Variants in DNAH6 observed in about 807,000 individuals in gnomAD.
DNAH6 encodes dynein axonemal heavy chain 6.
DNAH6 carries 340 observed loss-of-function variants against 491.4 expected under a neutral mutation model. The ratio of observed to expected loss-of-function variants is 0.69; its 90% CI spans 0.63 to 0.76. The LOEUF (loss-of-function observed/expected upper bound fraction) is 0.76, where lower values mean the gene tolerates loss of function less well. Among genes scored for constraint, DNAH6 ranks in the 30% least tolerant of loss-of-function variants. The probability of loss-of-function intolerance (pLI) is 0.00; values close to 1 mark genes in which losing one functional copy is unlikely to be tolerated. For missense variants in DNAH6, 4,443 were observed against 4,972.2 expected (o/e 0.89, Z 3.20); for synonymous variants, 1,603 against 1,686.1 (o/e 0.95, Z 1.21).
At position 84,689,086 on chromosome 2, in the gene DNAH6, AC is replaced by A. The variant is rs1192802287; in HGVS notation, c.7292+494del. Among the ~76,000 whole-genome samples the A allele has an allele frequency of 7.2e-5, 11 of 152,338 alleles. No homozygotes were observed. The South Asian group carries it at 2.3e-3, about 32-fold the overall frequency. On this transcript the variant is annotated intron_variant, in intron 45 of 76. Transcript: ENST00000389394. ...TAAATATCTGCAGTCCTTGGGGCAC[AC>A]TTCCTGAAGTGGCTCCTGTCCTGTT...
chr2:84,738,335 A>G (rs550235101), intron 62 of DNAH6, among the ~76,000 whole-genome samples: 2 of 152,138 alleles, frequency 1.3e-5, no homozygotes, highest in South Asian at 4.1e-4. Flanking sequence ...GTTGTTAGGG[A>G]GAGTATTCTG....
At chr2:84,549,743 C>A (rs1453467944) in intron 8 of DNAH6, 146 bp from the exon 9 acceptor site, 1 of 614,498 alleles carries the variant, frequency 1.6e-6, no homozygotes, top group East Asian at 2.8e-5. Flanking sequence ...CTGGACAGTA[C>A]ATTTCTGATA....
intron 64 of DNAH6, among the ~76,000 whole-genome samples, chr2:84,765,848 A>G (rs530242240): frequency 4.6e-5 from 7 of 152,234 alleles, no homozygotes; most frequent in East Asian, 1.9e-4. Context: ...AAAACAATAC[A>G]GAAGGTAGAA....
At chr2:84,505,682 A>T in the DNAH6 span, among the ~76,000 whole-genome samples, 1 of 152,070 alleles carries the variant, frequency 6.6e-6, no homozygotes, top group Non-Finnish European at 1.5e-5. Flanking sequence ...AACATTAGGT[A>T]TATCTCCTAA....
chr2:84,745,384 G>A, intron 63 of DNAH6, 135 bp downstream of exon 63: 1 of 674,022 alleles, frequency 1.5e-6, no homozygotes, highest in Non-Finnish European at 2.2e-6. Flanking sequence ...ATGAAACATG[G>A]GCCGAGCGCC....
intron 16 of DNAH6, among the ~76,000 whole-genome samples, chr2:84,593,192 A>G (rs368767499): frequency 6.6e-6 from 1 of 152,182 alleles, no homozygotes; most frequent in Non-Finnish European, 1.5e-5. Flanking sequence ...TTCCATGTCT[A>G]TGACTTCAAG....
the DNAH6 span, among the ~76,000 whole-genome samples, chr2:84,483,891 G>A: frequency 6.6e-6 from 1 of 152,044 alleles, no homozygotes; most frequent in African/African-American, 2.4e-5. Context: ...TATTATTTCT[G>A]AGTAGGAATA....
At chr2:84,476,810 C>T in the DNAH6 span, among the ~76,000 whole-genome samples, 1 of 152,244 alleles carries the variant, frequency 6.6e-6, no homozygotes, top group Admixed American at 6.5e-5. Context: ...TGAATACTAA[C>T]TTTCACTCCC....
At chr2:84,637,053 A>G (rs1276464168) in intron 30 of DNAH6, among the ~76,000 whole-genome samples, 157 bp from the exon 31 acceptor site, 1 of 152,212 alleles carries the variant, frequency 6.6e-6, no homozygotes, top group African/African-American at 2.4e-5. Context: ...GGAAGTAGAC[A>G]GGACAGAATC....
chr2:84,519,838 A>G (rs1675976348), intron 2 of DNAH6, among the ~76,000 whole-genome samples: 1 of 151,926 alleles, frequency 6.6e-6, no homozygotes, highest in Non-Finnish European at 1.5e-5. Flanking sequence ...TGCTGAAACA[A>G]TTTTATACAA....
chr2:84,570,296 T>C (rs1313800606), intron 11 of DNAH6, among the ~76,000 whole-genome samples: 1 of 152,206 alleles, frequency 6.6e-6, no homozygotes, highest in African/African-American at 2.4e-5. Flanking sequence ...GGAACTTTTT[T>C]GTCTAGCTAG....
chr2:84,711,089 G>A (rs1034429033), intron 56 of DNAH6, among the ~76,000 whole-genome samples: 5 of 152,198 alleles, frequency 3.3e-5, no homozygotes, highest in African/African-American at 1.2e-4. Context: ...GAAGAAATGA[G>A]AGAGGGAGGG....
chr2:84,746,006 C>T (rs1330291405), intron 63 of DNAH6, among the ~76,000 whole-genome samples: 2 of 152,130 alleles, frequency 1.3e-5, no homozygotes, highest in African/African-American at 2.4e-5. Context: ...GGAGATGAGG[C>T]AACTGATATG....
chr2:84,779,173 A>G (rs1573785324), intron 64 of DNAH6, among the ~76,000 whole-genome samples: 1 of 152,264 alleles, frequency 6.6e-6, no homozygotes, highest in East Asian at 1.9e-4. Context: ...TAAGTGTCTG[A>G]TTTATGTCCA....
chr2:84,577,274 G>A lies in DNAH6; in HGVS notation c.1942G>A (p.Glu648Lys), dbSNP rs1003769016. 1.9e-6 allele frequency: 3 copies of A among 1,582,298 alleles called. No homozygotes were observed. The highest frequency in any genetic ancestry group is 2.3e-5 in the East Asian group (1 of 44,214). The change falls in exon 13 of 77, where the codon GAA becomes AAA. Residue 648 changes from glutamate (E) to lysine (K), a missense_variant. Coordinates refer to ENST00000389394, the MANE Select transcript of DNAH6 (RefSeq NM_001370.2). ...TTATGTAGATATTAACTTTTTTAGTGAACAACTGGAAAAATATCACAAACA... is the reference window on the plus strand; with the variant it reads ...TTATGTAGATATTAACTTTTTTAGTAAACAACTGGAAAAATATCACAAACA... Reference protein sequence around the residue: ...LQEPDINFFSEQLEKYHKQHK... With the variant: ...LQEPDINFFSKQLEKYHKQHK...
At chr2:84,595,823 G>GAA in intron 18 of DNAH6, 34 bp downstream of exon 18, 1 of 1,516,034 alleles carries the variant, frequency 6.6e-7, no homozygotes, top group Non-Finnish European at 8.8e-7. Flanking sequence ...AAAAACTGTA[G>GAA]GCCAGTTGGT....
At chr2:84,784,846 G>A (rs184463844) in intron 66 of DNAH6, 36 bp downstream of exon 66, 14 of 1,430,652 alleles carry the variant, frequency 9.8e-6, no homozygotes, top group African/African-American at 1.4e-5. Flanking sequence ...ATGTGAAATG[G>A]TTGGTTTCAG....
At chr2:84,687,862 A>AT (rs1022179372) in intron 44 of DNAH6, among the ~76,000 whole-genome samples, 3 of 152,216 alleles carry the variant, frequency 2.0e-5, no homozygotes, top group Admixed American at 6.5e-5. Flanking sequence ...TTCTGGCATG[A>AT]TTTTTTATAA....
chr2:84,636,788 G>C (rs1168019608), intron 30 of DNAH6, among the ~76,000 whole-genome samples: 1 of 152,122 alleles, frequency 6.6e-6, no homozygotes, highest in Non-Finnish European at 1.5e-5. Flanking sequence ...TTGGCAGGCT[G>C]AGGTGTGAGG....
Sources: allele counts gnomAD v4.1 joint callset (sites outside exome capture counted in the v4.1 genomes callset), GRCh38; gene constraint gnomAD v4.1.1; transcripts MANE v1.5; gene names NCBI Gene and HGNC (gene_info 2026-07-23, HGNC 2026-07-21).